RBBP8: variants seen among roughly 807,000 people sequenced by gnomAD.
The protein encoded by RBBP8 is DNA endonuclease RBBP8.
In RBBP8, 88 loss-of-function variants were observed where a neutral mutation model predicts 108.3. The ratio of observed to expected loss-of-function variants is 0.81; its 90% CI spans 0.68 to 0.97. The LOEUF is 0.97. RBBP8 is among the 50% of genes least tolerant of loss of function. The pLI is 0.00. For synonymous variants in RBBP8, 332 were observed against 348.2 expected (o/e 0.95, Z 0.52); for missense variants, 1,023 against 1,049.0 (o/e 0.98, Z 0.34).
rs577317815 is a variant in RBBP8, at chr18:22,981,653, T to C, written c.429-565T>C. ...CATGCTAATTCTACTACCATGATGT[T>C]TAACGTTCTTTCCTTTCCATATGTA... On this transcript the variant is annotated intron_variant, in intron 6 of 18. Coordinates refer to ENST00000327155, the MANE Select transcript of RBBP8 (RefSeq NM_002894.3). Among the ~76,000 whole-genome samples the C allele has an allele frequency of 9.7e-4, 148 of 152,316 alleles. 1 individual carries two copies. The highest frequency in any genetic ancestry group is 1.9e-3 in the Non-Finnish European group (126 of 68,016).
At chr18:22,994,173 A>G (rs1013138494) in intron 12 of RBBP8, among the ~76,000 whole-genome samples, 5 of 144,590 alleles carry the variant, frequency 3.5e-5, no homozygotes, top group African/African-American at 1.3e-4. Context: ...GGCGCCCACC[A>G]TGCCCGGCTA....
chr18:22,982,171 T>G (rs1394400407), intron 6 of RBBP8, 47 bp from the exon 7 acceptor site: 2 of 1,568,198 alleles, frequency 1.3e-6, no homozygotes, highest in Non-Finnish European at 8.8e-7. Flanking sequence ...AGTAAATGTT[T>G]TAATACTCAT....
intron 2 of RBBP8, among the ~76,000 whole-genome samples, chr18:22,916,594 C>A (rs1193750372): frequency 6.6e-6 from 1 of 152,030 alleles, no homozygotes; most frequent in Non-Finnish European, 1.5e-5. Context: ...ACTAAAAAAT[C>A]ATTTGTTTTT....
intron 12 of RBBP8, among the ~76,000 whole-genome samples, chr18:22,995,071 T>G (rs138548556): frequency 6.6e-6 from 1 of 152,250 alleles, no homozygotes; most frequent in Non-Finnish European, 1.5e-5. Context: ...CACCAAACAT[T>G]TCTGTAGTTC....
intron 15 of RBBP8, among the ~76,000 whole-genome samples, chr18:23,005,279 A>G (rs1409779945): frequency 6.6e-6 from 1 of 152,252 alleles, no homozygotes; most frequent in Non-Finnish European, 1.5e-5. Flanking sequence ...AAAAGCACAG[A>G]TTTTGAATGT....
chr18:23,002,076 T>C (rs978862102), intron 15 of RBBP8, among the ~76,000 whole-genome samples: 3 of 152,190 alleles, frequency 2.0e-5, no homozygotes, highest in African/African-American at 7.2e-5. Context: ...TGTCTATTAA[T>C]TATTAAATTA....
chr18:22,982,194 C>A, intron 6 of RBBP8, 24 bp from the exon 7 acceptor site: 2 of 1,604,646 alleles, frequency 1.2e-6, no homozygotes, highest in Non-Finnish European at 1.7e-6. Flanking sequence ...AATTGATTTT[C>A]TTTCCATTGT....
chr18:22,978,252 TAAGAGGGAGCAGAGGTCC>T (rs2144635871), intron 6 of RBBP8, among the ~76,000 whole-genome samples: 1 of 152,242 alleles, frequency 6.6e-6, no homozygotes, highest in Admixed American at 6.5e-5. Context: ...GACAGGAGTT[TAAGAGGGAGCAGAGGTCC>T]ATAAATCAAA....
intron 4 of RBBP8, among the ~76,000 whole-genome samples, chr18:22,962,708 CT>C (rs560353127): frequency 9.1e-4 from 134 of 147,460 alleles, no homozygotes; most frequent in African/African-American, 2.8e-3. Context: ...TCCACCCCCC[CT>C]ACCTCAACCT....
chr18:22,915,023 T>C (rs1024446668), intron 1 of RBBP8, among the ~76,000 whole-genome samples: 2 of 152,152 alleles, frequency 1.3e-5, no homozygotes, highest in Non-Finnish European at 2.9e-5. Flanking sequence ...GTTTGTATCA[T>C]GTAAAATGAA....
chr18:22,993,945 A>C, intron 12 of RBBP8, 98 bp downstream of exon 12: 1 of 1,319,012 alleles, frequency 7.6e-7, no homozygotes. Context: ...TTGGAAAAAA[A>C]CTTATTTCTT....
chr18:22,914,886 G>GT, intron 1 of RBBP8, among the ~76,000 whole-genome samples: 1 of 152,070 alleles, frequency 6.6e-6, no homozygotes, highest in Non-Finnish European at 1.5e-5. Context: ...ATGAAGACAG[G>GT]TTTTGTCATG....
intron 18 of RBBP8, among the ~76,000 whole-genome samples, chr18:23,022,640 A>AG (rs56401349): frequency 2.7e-5 from 2 of 74,300 alleles, no homozygotes; most frequent in African/African-American, 4.2e-5. Flanking sequence ...AATAAAATAA[A>AG]TAAAATACAA....
upstream of RBBP8, among the ~76,000 whole-genome samples, chr18:22,931,434 C>T (rs967432758): frequency 6.6e-6 from 1 of 152,164 alleles, no homozygotes. Flanking sequence ...AACAGATTTA[C>T]TTTTCAAGAT....
Position 22,936,839 on chromosome 18 carries a change from C to CATATT in RBBP8, c.-11_-7dup. 1.2e-6 allele frequency: 2 copies of CATATT among 1,613,740 alleles called. No individual in the cohort carries two copies. The highest frequency in any genetic ancestry group is 2.2e-5 in the South Asian group (2 of 91,072). The stretch of plus-strand genomic sequence containing the variant: ...ATATTAAGCAAGTAGAAGTGTGGAG[C>CATATT]ATATTAAGCAAGATGAACATCTCGG... On this transcript the variant is annotated 5_prime_UTR_variant, in exon 2 of 19. Transcript: ENST00000327155.
intron 5 of RBBP8, 75 bp from the exon 6 acceptor site, chr18:22,975,078 A>G: frequency 6.8e-7 from 1 of 1,463,416 alleles, no homozygotes; most frequent in Non-Finnish European, 9.3e-7. Context: ...ACATGCTGAC[A>G]TATTTTATTT....
At chr18:22,953,650 C>T (rs2144508981) in intron 4 of RBBP8, among the ~76,000 whole-genome samples, 1 of 152,142 alleles carries the variant, frequency 6.6e-6, no homozygotes, top group East Asian at 1.9e-4. Context: ...AGTTTTTCTT[C>T]TCCAGGCCGT....
At chr18:22,929,472 GT>G (rs1909915409), upstream of RBBP8, 1 of 3,976 alleles carries the variant, frequency 2.5e-4, no homozygotes, top group Non-Finnish European at 4.7e-4. Context: ...GCAGGTGTGT[GT>G]GTGTGTGTGT....
At chr18:22,930,638 C>T (rs1450023348), upstream of RBBP8, among the ~76,000 whole-genome samples, 2 of 152,076 alleles carry the variant, frequency 1.3e-5, no homozygotes. Context: ...TTGAATGTAC[C>T]CAAAGGTTTC....
Sources: gnomAD v4.1 joint callset for allele counts (sites outside exome capture counted in the v4.1 genomes callset) on GRCh38, gnomAD v4.1.1 for gene constraint, MANE v1.5 for transcripts, NCBI Gene and HGNC (gene_info 2026-07-23, HGNC 2026-07-21) for gene names.